CSNK1G3: variants seen among roughly 807,000 people sequenced by gnomAD.
The protein encoded by CSNK1G3 is casein kinase I isoform gamma-3.
In CSNK1G3, 23 loss-of-function variants were observed where a neutral mutation model predicts 64.3. The observed-to-expected ratio is 0.36, with a 90% CI of 0.26 to 0.51. CSNK1G3 has a LOEUF of 0.51. Among genes scored for constraint, CSNK1G3 ranks in the 20% least tolerant of loss-of-function variants. CSNK1G3 has a pLI of 0.96. For missense variants in CSNK1G3, 357 were observed against 510.5 expected, an observed-to-expected ratio of 0.70 and a Z score of 2.90; for synonymous variants, 158 against 162.2, an observed-to-expected ratio of 0.97 and a Z score of 0.20.
intron 4 of CSNK1G3, among the ~76,000 whole-genome samples, chr5:123,572,284 T>C (rs1561545551): frequency 6.6e-6 from 1 of 152,182 alleles, no homozygotes; most frequent in Non-Finnish European, 1.5e-5. Flanking sequence ...ACAACTTCCA[T>C]ATAAAGTAAA....
chr5:123,593,098 T>G (rs1340560565), intron 10 of CSNK1G3, among the ~76,000 whole-genome samples: 1 of 151,918 alleles, frequency 6.6e-6, no homozygotes, highest in Non-Finnish European at 1.5e-5. Context: ...TCTACATCTT[T>G]CAGACATGTC....
At chr5:123,607,984 G>A (rs1795648625) in intron 12 of CSNK1G3, among the ~76,000 whole-genome samples, 1 of 151,908 alleles carries the variant, frequency 6.6e-6, no homozygotes. Context: ...TTTAAGAGAT[G>A]GAATCTTGCT....
At chr5:123,522,248 C>T (rs1778242012) in intron 1 of CSNK1G3, among the ~76,000 whole-genome samples, 1 of 152,000 alleles carries the variant, frequency 6.6e-6, no homozygotes. Flanking sequence ...TGCTGTGGCT[C>T]ACCCCAGCAC....
chr5:123,543,697 T>C (rs1051089613), intron 1 of CSNK1G3, among the ~76,000 whole-genome samples: 1 of 152,182 alleles, frequency 6.6e-6, no homozygotes, highest in Non-Finnish European at 1.5e-5. Context: ...TTGTGTTTTT[T>C]CTAAGGGATC....
At chr5:123,583,433 T>C (rs1790716267) in intron 6 of CSNK1G3, among the ~76,000 whole-genome samples, 1 of 151,810 alleles carries the variant, frequency 6.6e-6, no homozygotes, top group Admixed American at 6.6e-5. Flanking sequence ...CGATCTTGGC[T>C]CACCACAACC....
chr5:123,595,370 T>C (rs1793227833), intron 10 of CSNK1G3, among the ~76,000 whole-genome samples: 1 of 152,172 alleles, frequency 6.6e-6, no homozygotes, highest in South Asian at 2.1e-4. Context: ...TATGCTACAA[T>C]ATTTAAGTCA....
chr5:123,589,202 T>C (rs1354885740), intron 8 of CSNK1G3, among the ~76,000 whole-genome samples: 1 of 152,156 alleles, frequency 6.6e-6, no homozygotes, highest in Non-Finnish European at 1.5e-5. Context: ...ATTCCGTAGT[T>C]CTCCTGTATA....
At chr5:123,548,058 A>G (rs1195530277) in intron 2 of CSNK1G3, among the ~76,000 whole-genome samples, 2 of 152,186 alleles carry the variant, frequency 1.3e-5, no homozygotes, top group East Asian at 1.9e-4. Flanking sequence ...TAAGGTATAC[A>G]TGTTATAGGT....
At chr5:123,546,409 C>A (rs994813887) in intron 2 of CSNK1G3, among the ~76,000 whole-genome samples, 1 of 151,964 alleles carries the variant, frequency 6.6e-6, no homozygotes, top group Non-Finnish European at 1.5e-5. Context: ...TTGGGAAACA[C>A]TGGTCTAATT....
At chr5:123,601,425 A>C (rs1229802968) in intron 10 of CSNK1G3, among the ~76,000 whole-genome samples, 1 of 152,164 alleles carries the variant, frequency 6.6e-6, no homozygotes, top group Non-Finnish European at 1.5e-5. Context: ...TGAACTTGGG[A>C]TACTAGCCTT....
At chr5:123,525,049 T>C (rs1327586315) in intron 1 of CSNK1G3, among the ~76,000 whole-genome samples, 5 of 152,238 alleles carry the variant, frequency 3.3e-5, no homozygotes, top group African/African-American at 1.2e-4. Context: ...GCACTGGCTT[T>C]GTGCTCGGAA....
At chr5:123,590,889 T>C (rs1300649857) in intron 9 of CSNK1G3, among the ~76,000 whole-genome samples, 2 of 152,078 alleles carry the variant, frequency 1.3e-5, no homozygotes, top group Non-Finnish European at 2.9e-5. Context: ...AAAATTTGTA[T>C]GAGTCTCTTC....
At chr5:123,516,966 T>C (rs1777277169) in intron 1 of CSNK1G3, among the ~76,000 whole-genome samples, 1 of 152,222 alleles carries the variant, frequency 6.6e-6, no homozygotes, top group African/African-American at 2.4e-5. Flanking sequence ...TACCCTGTTA[T>C]TCTGCCATTA....
At chr5:123,571,284 G>A (rs190767045) in intron 4 of CSNK1G3, among the ~76,000 whole-genome samples, 1 of 151,994 alleles carries the variant, frequency 6.6e-6, no homozygotes, top group Non-Finnish European at 1.5e-5. Context: ...TGTTTGTTTT[G>A]TTTTGTTTTG....
At chr5:123,552,999 C>G (rs1783984351) in intron 2 of CSNK1G3, 108 bp from the exon 3 acceptor site, 2 of 564,276 alleles carry the variant, frequency 3.5e-6, no homozygotes, top group South Asian at 5.7e-5. Flanking sequence ...AAGCAAAAAC[C>G]TATGCTTTAG....
chr5:123,596,364 A>G (rs1793444305), intron 10 of CSNK1G3, among the ~76,000 whole-genome samples: 1 of 152,076 alleles, frequency 6.6e-6, no homozygotes, highest in African/African-American at 2.4e-5. Flanking sequence ...AATATATTCT[A>G]TTTGCATAAC....
intron 4 of CSNK1G3, among the ~76,000 whole-genome samples, chr5:123,558,373 A>G (rs1785026384): frequency 6.6e-6 from 1 of 152,154 alleles, no homozygotes; most frequent in Non-Finnish European, 1.5e-5. Context: ...CATTTCCTTT[A>G]TGTTAAAAGG....
chr5:123,570,104 C>G (rs1042235874), intron 4 of CSNK1G3, among the ~76,000 whole-genome samples: 5 of 152,216 alleles, frequency 3.3e-5, no homozygotes, highest in African/African-American at 1.2e-4. Context: ...AATGCCCAAC[C>G]CAGTCCCATA....
At chr5:123,523,410 C>T (rs191863960) in intron 1 of CSNK1G3, among the ~76,000 whole-genome samples, 10 of 152,210 alleles carry the variant, frequency 6.6e-5, no homozygotes, top group African/African-American at 2.4e-4. Flanking sequence ...CAGGAACACC[C>T]TCAGCAGTTA....
Sources: allele counts gnomAD v4.1 joint callset (sites outside exome capture counted in the v4.1 genomes callset), GRCh38; gene constraint gnomAD v4.1.1; transcripts MANE v1.5; gene names NCBI Gene and HGNC (gene_info 2026-07-23, HGNC 2026-07-21).